The following PEPD variants were observed in gnomAD, a reference collection of about 807,000 sequenced individuals.
PEPD encodes xaa-Pro dipeptidase.
Under a neutral mutation model 60.7 loss-of-function variants are expected in PEPD, and 53 were observed. The ratio of observed to expected loss-of-function variants is 0.87; its 90% CI spans 0.70 to 1.10. The LOEUF is 1.10. Ranked by LOEUF, PEPD falls within the 50% of genes least tolerant of loss-of-function variation. The pLI, the probability that PEPD is intolerant of heterozygous loss-of-function variation, is 0.00. For synonymous variants in PEPD, 267 were observed against 284.1 expected (o/e 0.94, Z 0.60); for missense variants, 711 against 711.9 (o/e 1.00, Z 0.01).
At chr19:33,402,583 G>A (rs2145348514) in intron 11 of PEPD, among the ~76,000 whole-genome samples, 1 of 152,328 alleles carries the variant, frequency 6.6e-6, no homozygotes, top group East Asian at 1.9e-4. Context: ...GGCCCAAGGG[G>A]AGGGCAGGGA....
rs569595476 is a variant in PEPD, at chr19:33,483,891, C to T, written c.504-5801G>A. Among the ~76,000 whole-genome samples, 4 of 152,262 alleles carry T rather than the reference C, an allele frequency of 2.6e-5. No homozygotes were observed. In the South Asian group the frequency reaches 6.2e-4, roughly 24 times the overall value. ...GGGAAGGATAGCACACACAAGCACA[C>T]GCAGGGTCGTGACCTCCTGTCCTCC... is the stretch of plus-strand genomic sequence containing the variant. On this transcript the variant is annotated intron_variant, in intron 6 of 14. Transcript: ENST00000244137.
At chr19:33,452,431 G>A (rs1191895188) in intron 9 of PEPD, among the ~76,000 whole-genome samples, 6 of 152,118 alleles carry the variant, frequency 3.9e-5, no homozygotes, top group African/African-American at 1.2e-4. Context: ...AGGAAGAGAG[G>A]AGAAAGGAAT....
At chr19:33,425,696 T>C (rs1037069474) in intron 9 of PEPD, among the ~76,000 whole-genome samples, 4 of 151,896 alleles carry the variant, frequency 2.6e-5, no homozygotes, top group African/African-American at 4.8e-5. Flanking sequence ...GGAAAAAAAA[T>C]GAGTCAATTG....
chr19:33,443,767 G>A (rs1280762220), intron 9 of PEPD, among the ~76,000 whole-genome samples: 1 of 152,254 alleles, frequency 6.6e-6, no homozygotes, highest in Non-Finnish European at 1.5e-5. Flanking sequence ...CGCGTAATGG[G>A]TGTACCATAC....
chr19:33,412,621 C>T (rs1968802965), intron 10 of PEPD, among the ~76,000 whole-genome samples: 2 of 152,368 alleles, frequency 1.3e-5, no homozygotes, highest in Middle Eastern at 3.4e-3. Context: ...GAAACCCCCA[C>T]CTGGGTGTAA....
chr19:33,416,841 C>T (rs1419093431), intron 9 of PEPD, among the ~76,000 whole-genome samples: 2 of 152,172 alleles, frequency 1.3e-5, no homozygotes, highest in Non-Finnish European at 2.9e-5. Flanking sequence ...TGGTGAATAA[C>T]GAGGTGGATG....
intron 9 of PEPD, among the ~76,000 whole-genome samples, chr19:33,449,973 C>T (rs1042657589): frequency 2.6e-5 from 4 of 152,172 alleles, no homozygotes; most frequent in African/African-American, 7.2e-5. Context: ...CATGTGATGC[C>T]CCCGCTTGGG....
At position 33,475,772 on chromosome 19, in the gene PEPD, T is replaced by C. The variant is rs561512460; in HGVS notation, c.548+2274A>G. Reference sequence around the variant, plus strand: ...TCTAAGTACCCAGGATTTATTCTTCTGCCAAATGGGGGCTACAGATAGGAC... The same window carrying C: ...TCTAAGTACCCAGGATTTATTCTTCCGCCAAATGGGGGCTACAGATAGGAC... On this transcript the variant is annotated intron_variant, in intron 7 of 14. Transcript: ENST00000244137. Among the ~76,000 whole-genome samples the C allele has an allele frequency of 5.9e-5, 9 of 152,348 alleles. No individual in the cohort carries two copies. In the South Asian group the frequency reaches 1.9e-3, roughly 32 times the overall value.
chr19:33,511,103 A>G lies in PEPD; in HGVS notation c.254T>C (p.Val85Ala). 6.2e-7 allele frequency: 1 copy of G among 1,613,994 alleles called. No individual in the cohort carries two copies. Among genetic ancestry groups the G allele is most frequent in the Non-Finnish European group, 8.5e-7 (1 of 1,179,884 alleles). ...FGVTEPGCYG[V>A]IDVDTGKSTL... ...CGACTTCCCAGTGTCAACATCGATGACACCATAGCAGCCTGGCTCAGTGAC... is the reference window on the plus strand; with the variant it reads ...CGACTTCCCAGTGTCAACATCGATGGCACCATAGCAGCCTGGCTCAGTGAC... Residue 85 changes from valine (V) to alanine (A), a missense_variant, in exon 3 of 15, where the codon GTC becomes GCC. Transcript: ENST00000244137.
rs1471035398 is a variant in PEPD, at chr19:33,463,008, A to T, written c.658T>A (p.Tyr220Asn). 1.3e-6 allele frequency: 2 copies of T among 1,598,982 alleles called. No individual in the cohort carries two copies. The highest frequency in any genetic ancestry group is 2.2e-5 in the South Asian group (2 of 90,776). The change falls in exon 9 of 15, where the codon TAT becomes AAT. Residue 220 changes from tyrosine to asparagine, a missense_variant. Transcript: ENST00000244137. Reference protein sequence around the residue: ...MKAVKVGMKEYELESLFEHYC... With the variant: ...MKAVKVGMKENELESLFEHYC... ...ATGGTGGCTTACCTTTCCAACTCAT[A>T]TTCTTTCATTCCCACTTTTACAGCC... is the stretch of plus-strand genomic sequence containing the variant.
intron 14 of PEPD, 184 bp from the exon 15 acceptor site, chr19:33,387,665 C>G: frequency 2.4e-6 from 2 of 844,956 alleles, no homozygotes; most frequent in Non-Finnish European, 3.8e-6. Flanking sequence ...CCTGTCTTTG[C>G]CAGGTGGATG....
intron 9 of PEPD, among the ~76,000 whole-genome samples, chr19:33,438,649 G>A (rs1969425197): frequency 1.3e-5 from 2 of 152,236 alleles, no homozygotes; most frequent in African/African-American, 4.8e-5. Context: ...TTCTCCCCAA[G>A]CTTTCTCCTC....
intron 12 of PEPD, among the ~76,000 whole-genome samples, chr19:33,395,665 C>T (rs1403392365): frequency 2.0e-5 from 3 of 152,234 alleles, no homozygotes; most frequent in Non-Finnish European, 4.4e-5. Flanking sequence ...GCATCCATCA[C>T]AGCCCCGAGG....
At chr19:33,518,979 G>T (rs1971079462) in intron 1 of PEPD, among the ~76,000 whole-genome samples, 1 of 152,210 alleles carries the variant, frequency 6.6e-6, no homozygotes, top group Admixed American at 6.5e-5. Flanking sequence ...TCCAGGGCTA[G>T]TTGGGTGAGT....
intron 6 of PEPD, 37 bp from the exon 7 acceptor site, chr19:33,478,127 C>A: frequency 6.8e-7 from 1 of 1,473,084 alleles, no homozygotes; most frequent in Non-Finnish European, 9.5e-7. Flanking sequence ...ATTAATCCAA[C>A]GGTCTGTCAT....
rs779829444 is a variant in PEPD, at chr19:33,388,032, C to T, written c.1202G>A (p.Arg401Gln). 65 of 1,563,384 alleles carry T rather than the reference C, an allele frequency of 4.2e-5. No homozygotes were observed. Among genetic ancestry groups the T allele is most frequent in the Non-Finnish European group, 4.9e-5 (56 of 1,154,408 alleles). Residue 401 changes from arginine to glutamine, a missense_variant, in exon 14 of 15, where the codon CGG becomes CAG. Transcript: ENST00000244137. ...GAGCACCATGCCTGGCTGCAGGTGC[C>T]GTGCAGTGCGCAGGCTCCGCAGGCC... ...EPGLRSLRTA[R>Q]HLQPGMVLTV...
In PEPD at chr19:33,392,485, G is replaced by C. The variant is rs140132490; in HGVS notation, c.968-1006C>G. ...CTCCTGCCCTGGCCCCATGGGGGCTGGGTTTGGGCAGGCCACGTGCTGGCA... is the reference window on the plus strand; with the variant it reads ...CTCCTGCCCTGGCCCCATGGGGGCTCGGTTTGGGCAGGCCACGTGCTGGCA... On this transcript the variant is annotated intron_variant, in intron 12 of 14. Coordinates refer to ENST00000244137, the MANE Select transcript of PEPD (RefSeq NM_000285.4). 4.3e-3 allele frequency among the ~76,000 whole-genome samples: 656 copies of C among 152,298 alleles called. 6 individuals carry two copies. Among genetic ancestry groups the C allele is most frequent in the African/African-American group, 0.015 (632 of 41,602 alleles).
intron 2 of PEPD, among the ~76,000 whole-genome samples, chr19:33,511,842 C>A (rs891675965): frequency 2.6e-5 from 4 of 152,216 alleles, no homozygotes; most frequent in African/African-American, 9.7e-5. Flanking sequence ...AGGCTTGCAG[C>A]TGCGCGAACA....
intron 9 of PEPD, among the ~76,000 whole-genome samples, chr19:33,455,908 T>C (rs1189953351): frequency 6.6e-6 from 1 of 152,144 alleles, no homozygotes; most frequent in Non-Finnish European, 1.5e-5. Flanking sequence ...AATATGATTC[T>C]CCAGGAGCAA....
Sources: gnomAD v4.1 joint callset for allele counts (sites outside exome capture counted in the v4.1 genomes callset) on GRCh38, gnomAD v4.1.1 for gene constraint, MANE v1.5 for transcripts, NCBI Gene and HGNC (gene_info 2026-07-23, HGNC 2026-07-21) for gene names.